The following MTMR7 variants were observed in gnomAD, a reference collection of about 807,000 sequenced individuals.
MTMR7 encodes the protein phosphatidylinositol-3-phosphate phosphatase MTMR7.
MTMR7 carries 76 observed loss-of-function variants against 81.2 expected under a neutral mutation model. The observed-to-expected ratio is 0.94, with a 90% CI of 0.78 to 1.13. MTMR7 has a LOEUF of 1.13. Among genes scored for constraint, MTMR7 ranks in the 50% most tolerant of loss-of-function variants. MTMR7 has a pLI of 0.00. For synonymous variants in MTMR7, 372 were observed against 289.8 expected, an observed-to-expected ratio of 1.28 and a Z score of -2.88; for missense variants, 1,044 against 820.0, an observed-to-expected ratio of 1.27 and a Z score of -3.34.
Position 17,302,299 on chromosome 8 carries a change from C to T in MTMR7, c.1494-19G>A, listed in dbSNP as rs759903186. ...CCAAAACCTGGAAAGGATGGCAAAG[C>T]GTCGTGATACCACCTTATCACAGTC... On this transcript the variant is annotated intron_variant, in intron 12 of 13. Transcript: ENST00000180173. 1.2e-5 allele frequency: 20 copies of T among 1,610,812 alleles called. No individual in the cohort carries two copies. Among genetic ancestry groups the T allele is most frequent in the African/African-American group, 4.0e-5 (3 of 74,734 alleles).
In MTMR7 at chr8:17,299,760, A is replaced by G. The variant is rs141968714; in HGVS notation, c.*102T>C. The G allele has an allele frequency of 9.4e-6, 14 of 1,493,224 alleles. No individual in the cohort carries two copies. The East Asian group carries it at 2.5e-4, about 27-fold the overall frequency. 92.5% of individuals were successfully genotyped at this position (1,493,224 alleles called of 1,614,324 possible). ...CATAGCTGCATTAAAGTAGTTCTCA[A>G]TGACATGCACCATTTCCTGTTTTTA... On this transcript the variant is annotated 3_prime_UTR_variant, in exon 14 of 14. Transcript: ENST00000180173.
intron 4 of MTMR7, among the ~76,000 whole-genome samples, 163 bp downstream of exon 4, chr8:17,360,954 C>A (rs1820041816): frequency 6.6e-6 from 1 of 152,050 alleles, no homozygotes; most frequent in Non-Finnish European, 1.5e-5. Flanking sequence ...ATTCTAGGTC[C>A]AGGTTGTAAA....
intron 3 of MTMR7, among the ~76,000 whole-genome samples, chr8:17,370,570 A>C (rs1216430227): frequency 6.6e-6 from 1 of 150,874 alleles, no homozygotes; most frequent in African/African-American, 2.4e-5. Flanking sequence ...AAAAAAAAAA[A>C]AAAAAAAAAC....
chr8:17,358,923 T>A (rs1426104590), intron 4 of MTMR7, among the ~76,000 whole-genome samples: 1 of 152,154 alleles, frequency 6.6e-6, no homozygotes, highest in African/African-American at 2.4e-5. Flanking sequence ...GAGACAAGGT[T>A]TCATTTTGTT....
chr8:17,391,581 G>A (rs1005960230), intron 1 of MTMR7, among the ~76,000 whole-genome samples: 6 of 152,184 alleles, frequency 3.9e-5, no homozygotes, highest in East Asian at 1.9e-4. Context: ...AAATGTATCC[G>A]TTTAGCTTAA....
Position 17,348,951 on chromosome 8 carries a change from A to T in MTMR7, c.597+2T>A. 1 of 1,613,794 alleles carries T rather than the reference A, an allele frequency of 6.2e-7. No individual in the cohort carries two copies. The highest frequency in any genetic ancestry group is 8.5e-7 in the Non-Finnish European group (1 of 1,179,956). ...AAAACAAAAACACGCCTCGAGACTT[A>T]CGTGGTTATCTTTATAATAGTAAGA... On this transcript the variant is annotated splice_donor_variant, in intron 5 of 13. Coordinates refer to ENST00000180173, the MANE Select transcript of MTMR7 (RefSeq NM_004686.5). LOFTEE classifies it high-confidence loss of function.
At chr8:17,398,983 C>T (rs1020086856) in intron 1 of MTMR7, among the ~76,000 whole-genome samples, 1 of 152,066 alleles carries the variant, frequency 6.6e-6, no homozygotes, top group African/African-American at 2.4e-5. Context: ...CATACCTCAA[C>T]ATAATAAAAG....
chr8:17,374,559 T>A (rs1820515311), intron 1 of MTMR7, among the ~76,000 whole-genome samples: 1 of 152,094 alleles, frequency 6.6e-6, no homozygotes, highest in African/African-American at 2.4e-5. Flanking sequence ...AGGCGGAGGT[T>A]GCAGTGCGCT....
chr8:17,401,782 G>C (rs1821435933), intron 1 of MTMR7, among the ~76,000 whole-genome samples: 1 of 152,150 alleles, frequency 6.6e-6, no homozygotes, highest in South Asian at 2.1e-4. Flanking sequence ...AAGAGCACAA[G>C]AGGAGAAAAT....
At chr8:17,313,246 G>A (rs781265672) in intron 8 of MTMR7, 46 bp downstream of exon 8, 1 of 1,414,902 alleles carries the variant, frequency 7.1e-7, no homozygotes, top group Non-Finnish European at 1.0e-6. Flanking sequence ...TGAAGTCAGT[G>A]GTTTGCTCAT....
chr8:17,304,508 C>T lies in MTMR7; in HGVS notation c.1364G>A (p.Arg455Lys). The T allele has an allele frequency of 6.2e-7, 1 of 1,613,284 alleles. No individual in the cohort carries two copies. The highest frequency in any genetic ancestry group is 2.2e-5 in the East Asian group (1 of 44,868). ...KERRELKIQE[R>K]TYSLWAHLWK... ...CAGGTGAGCCCATAATGAGTATGTT[C>T]TTTCTTGAATCCTGTTATAAAGAAA... Residue 455 changes from arginine to lysine, a missense_variant, in exon 12 of 14, where the codon AGA becomes AAA. By Grantham distance (26) the Arg-to-Lys change is conservative (BLOSUM62 2). Coordinates refer to ENST00000180173, the MANE Select transcript of MTMR7 (RefSeq NM_004686.5).
At chr8:17,311,801 G>A in intron 8 of MTMR7, 165 bp from the exon 9 acceptor site, 3 of 1,068,312 alleles carry the variant, frequency 2.8e-6, no homozygotes, top group Non-Finnish European at 4.0e-6. Context: ...CAGAGCCAGA[G>A]TGGCCTGGTG....
At chr8:17,305,730 A>T (rs1253999813) in intron 11 of MTMR7, 27 bp downstream of exon 11, 1 of 1,555,742 alleles carries the variant, frequency 6.4e-7, no homozygotes, top group Non-Finnish European at 8.8e-7. Flanking sequence ...AATAAAAGTT[A>T]AACACCAAAA....
intron 1 of MTMR7, among the ~76,000 whole-genome samples, chr8:17,406,891 A>G (rs886600023): frequency 6.6e-6 from 1 of 152,170 alleles, no homozygotes; most frequent in Non-Finnish European, 1.5e-5. Flanking sequence ...ATTAAATTTA[A>G]AATGTCCAGA....
chr8:17,350,573 G>T (rs373572289), intron 4 of MTMR7, among the ~76,000 whole-genome samples: 1 of 152,152 alleles, frequency 6.6e-6, no homozygotes, highest in African/African-American at 2.4e-5. Context: ...TACGATCTAA[G>T]ATGAGATTTG....
intron 4 of MTMR7, among the ~76,000 whole-genome samples, chr8:17,357,238 A>G (rs1030670335): frequency 1.3e-5 from 2 of 152,230 alleles, no homozygotes; most frequent in Admixed American, 1.3e-4. Flanking sequence ...TACTTTCTCC[A>G]TTTGTAAAGT....
chr8:17,341,824 G>T (rs1006200669), intron 5 of MTMR7, among the ~76,000 whole-genome samples: 9 of 151,662 alleles, frequency 5.9e-5, no homozygotes, highest in African/African-American at 2.2e-4. Flanking sequence ...CCTGCTGAAA[G>T]AAAAAATACA....
intron 4 of MTMR7, among the ~76,000 whole-genome samples, chr8:17,353,599 C>T (rs1819798390): frequency 1.3e-5 from 2 of 152,130 alleles, no homozygotes; most frequent in Non-Finnish European, 2.9e-5. Context: ...CCTCAGTATG[C>T]CTCTCAGGAT....
chr8:17,361,321 A>G, intron 3 of MTMR7, 47 bp from the exon 4 acceptor site: 1 of 1,607,054 alleles, frequency 6.2e-7, no homozygotes, highest in Non-Finnish European at 8.5e-7. Context: ...AGTCAAAACC[A>G]GAGCCAAATC....
Sources: gnomAD v4.1 joint callset for allele counts (sites outside exome capture counted in the v4.1 genomes callset) on GRCh38, gnomAD v4.1.1 for gene constraint, MANE v1.5 for transcripts, NCBI Gene and HGNC (gene_info 2026-07-23, HGNC 2026-07-21) for gene names.